Variants in ENOX1 observed in about 807,000 individuals in gnomAD.
ENOX1 encodes the protein candidate growth-related and time keeping constitutive hydroquinone (NADH) oxidase.
In ENOX1, 42 loss-of-function variants were observed where a neutral mutation model predicts 82.5. That is an observed-to-expected ratio of 0.51 (90% CI 0.40 to 0.66). The LOEUF is 0.66. ENOX1 is among the 30% of genes least tolerant of loss of function. The probability of loss-of-function intolerance (pLI) is 0.00; values close to 1 mark genes in which losing one functional copy is unlikely to be tolerated. For synonymous variants in ENOX1, 271 were observed against 282.2 expected (o/e 0.96, Z 0.40); for missense variants, 608 against 811.6 (o/e 0.75, Z 3.05).
rs534353901 is a variant in ENOX1 at position 43,412,103 on chromosome 13, G to T, written c.71-50C>A. ...TTAGAGTCCATAGGCAAGGGTGTTT[G>T]TTTTAAAGAAAATCACATTTCTAGA... On this transcript the variant is annotated intron_variant, in intron 4 of 16. Coordinates refer to ENST00000690772, the MANE Select transcript of ENOX1 (RefSeq NM_001347969.2). 6.1e-5 allele frequency: 97 copies of T among 1,580,312 alleles called. No individual in the cohort carries two copies. In the South Asian group the frequency reaches 1.0e-3, roughly 17 times the overall value.
intron 3 of ENOX1, among the ~76,000 whole-genome samples, chr13:43,457,613 GA>G (rs988678202): frequency 6.6e-6 from 1 of 152,102 alleles, no homozygotes; most frequent in Non-Finnish European, 1.5e-5. Context: ...ACTATACTAA[GA>G]AAAGCTATGT....
chr13:43,434,937 GTTTTTTT>G (rs537775258), intron 3 of ENOX1, among the ~76,000 whole-genome samples: 33 of 75,900 alleles, frequency 4.3e-4, no homozygotes, highest in South Asian at 1.8e-3. Context: ...TGTGTGTGTG[GTTTTTTT>G]TTTTTTTTTT....
At chr13:43,394,669 T>C (rs1311528911) in intron 5 of ENOX1, 1 of 152,518 alleles carries the variant, frequency 6.6e-6, no homozygotes, top group South Asian at 2.1e-4. Context: ...CTGAGAGGTA[T>C]GTGGCTTTGC....
At chr13:43,278,425 G>A (rs1054284358) in intron 12 of ENOX1, among the ~76,000 whole-genome samples, 1 of 151,626 alleles carries the variant, frequency 6.6e-6, no homozygotes, top group Non-Finnish European at 1.5e-5. Context: ...GCACAGTTTT[G>A]CAAAGACGAT....
At chr13:43,771,458 T>G in intron 1 of ENOX1, among the ~76,000 whole-genome samples, 1 of 151,464 alleles carries the variant, frequency 6.6e-6, no homozygotes, top group African/African-American at 2.5e-5. Flanking sequence ...AGATGTTCTC[T>G]GTGACCTCTT....
intron 2 of ENOX1, chr13:43,545,013 A>G (rs148801069): frequency 3.5e-4 from 54 of 152,320 alleles, no homozygotes; most frequent in African/African-American, 1.3e-3. Flanking sequence ...TCCCATTTAT[A>G]CATAAACAAC....
chr13:43,221,736 C>T (rs1473918826), intron 16 of ENOX1, among the ~76,000 whole-genome samples: 2 of 152,166 alleles, frequency 1.3e-5, no homozygotes, highest in African/African-American at 2.4e-5. Flanking sequence ...ACATGCCCGG[C>T]ATAATTTAAA....
intron 12 of ENOX1, among the ~76,000 whole-genome samples, chr13:43,295,286 C>T (rs1189244362): frequency 6.6e-6 from 1 of 152,184 alleles, no homozygotes; most frequent in African/African-American, 2.4e-5. Context: ...CAGGTAAAGG[C>T]TACCGTGTTA....
Position 43,459,669 on chromosome 13 carries a change from G to A in ENOX1, c.-75+24340C>T, listed in dbSNP as rs540589408. Among the ~76,000 whole-genome samples the A allele has an allele frequency of 3.4e-4, 52 of 152,278 alleles. 1 individual carries two copies. In the South Asian group the frequency reaches 0.011, roughly 31 times the overall value. On this transcript the variant is annotated intron_variant, in intron 3 of 16. Coordinates refer to ENST00000690772, the MANE Select transcript of ENOX1 (RefSeq NM_001347969.2). The stretch of plus-strand genomic sequence containing the variant: ...TCTGTCAGTAATTTTCTATGTAGCT[G>A]TCAATAATCCTTTGTTTTCTCTTTG...
intron 2 of ENOX1, among the ~76,000 whole-genome samples, chr13:43,552,069 C>T (rs1358468760): frequency 6.6e-6 from 1 of 152,082 alleles, no homozygotes; most frequent in Non-Finnish European, 1.5e-5. Flanking sequence ...AGGGACCTTT[C>T]GCCCTGTCAC....
intron 2 of ENOX1, among the ~76,000 whole-genome samples, chr13:43,533,062 TC>T (rs1014874735): frequency 3.9e-5 from 6 of 152,114 alleles, no homozygotes; most frequent in African/African-American, 1.2e-4. Flanking sequence ...AGCACAGTGA[TC>T]TTTTTCATGG....
At chr13:43,299,966 G>A (rs1227273311) in intron 11 of ENOX1, among the ~76,000 whole-genome samples, 3 of 152,160 alleles carry the variant, frequency 2.0e-5, no homozygotes, top group Non-Finnish European at 2.9e-5. Context: ...GAGGTTCTCT[G>A]AGACCACAGT....
At chr13:43,531,334 C>T (rs1156387676) in intron 2 of ENOX1, among the ~76,000 whole-genome samples, 2 of 152,064 alleles carry the variant, frequency 1.3e-5, no homozygotes, top group Non-Finnish European at 2.9e-5. Flanking sequence ...TGCTCATCAT[C>T]ACTGGCCATC....
In ENOX1 at chr13:43,316,192, A is replaced by G. The variant is rs547389420; in HGVS notation, c.1261+6192T>C. Among the ~76,000 whole-genome samples, 6 of 152,326 alleles carry G rather than the reference A, an allele frequency of 3.9e-5. No homozygotes were observed. In the South Asian group the frequency reaches 1.2e-3, roughly 32 times the overall value. ...CTGGGAACATGCTGGGCTGTCATGCAGGAAACTTTGTGGAGACCCCACCCA... is the reference window on the plus strand; with the variant it reads ...CTGGGAACATGCTGGGCTGTCATGCGGGAAACTTTGTGGAGACCCCACCCA... On this transcript the variant is annotated intron_variant, in intron 11 of 16. Coordinates refer to ENST00000690772, the MANE Select transcript of ENOX1 (RefSeq NM_001347969.2).
At chr13:43,540,785 G>A (rs966451799) in intron 2 of ENOX1, among the ~76,000 whole-genome samples, 13 of 152,176 alleles carry the variant, frequency 8.5e-5, no homozygotes, top group African/African-American at 3.1e-4. Flanking sequence ...AGGCAAGAAT[G>A]TAGGGGAGTG....
At chr13:43,669,021 T>C (rs925937405) in intron 1 of ENOX1, among the ~76,000 whole-genome samples, 2 of 152,116 alleles carry the variant, frequency 1.3e-5, no homozygotes, top group African/African-American at 2.4e-5. Flanking sequence ...CTTTCAACTA[T>C]CCTACAAGAC....
intron 2 of ENOX1, among the ~76,000 whole-genome samples, chr13:43,637,742 C>T (rs1428766715): frequency 1.3e-5 from 2 of 152,078 alleles, no homozygotes; most frequent in South Asian, 2.1e-4. Context: ...ATGCCTCCCC[C>T]ACTATTAAAA....
At chr13:43,766,899 T>G (rs955744661) in intron 1 of ENOX1, among the ~76,000 whole-genome samples, 5 of 152,164 alleles carry the variant, frequency 3.3e-5, no homozygotes, top group African/African-American at 1.2e-4. Flanking sequence ...TGCAGCTGTA[T>G]CCAACTCTCA....
chr13:43,671,645 C>T (rs1249550675), intron 1 of ENOX1, among the ~76,000 whole-genome samples: 3 of 152,098 alleles, frequency 2.0e-5, no homozygotes, highest in Non-Finnish European at 4.4e-5. Flanking sequence ...CTACGATTTC[C>T]GAGGCAAGCC....
Sources: gnomAD v4.1 joint callset for allele counts (sites outside exome capture counted in the v4.1 genomes callset) on GRCh38, gnomAD v4.1.1 for gene constraint, MANE v1.5 for transcripts, NCBI Gene and HGNC (gene_info 2026-07-23, HGNC 2026-07-21) for gene names.